Variants in ROBO1 observed in about 807,000 individuals in gnomAD.
ROBO1 encodes roundabout homolog 1.
Under a neutral mutation model 195.9 loss-of-function variants are expected in ROBO1, and 149 were observed. The ratio of observed to expected loss-of-function variants is 0.76; its 90% CI spans 0.67 to 0.87. The LOEUF is 0.87. Ranked by LOEUF, ROBO1 falls within the 40% of genes least tolerant of loss-of-function variation. The probability of loss-of-function intolerance (pLI) is 0.00; values close to 1 mark genes in which losing one functional copy is unlikely to be tolerated. For synonymous variants in ROBO1, 816 were observed against 733.2 expected (o/e 1.11, Z -1.82); for missense variants, 1,933 against 2,068.3 (o/e 0.93, Z 1.27).
chr3:78,757,381 TAG>T (rs768297419), intron 4 of ROBO1, among the ~76,000 whole-genome samples: 6 of 151,994 alleles, frequency 3.9e-5, no homozygotes, highest in Admixed American at 6.6e-5. Context: ...TGAAAAAGAC[TAG>T]AGTGTTTTCT....
chr3:78,961,578 G>GC lies in ROBO1; in HGVS notation c.173-22652dup, dbSNP rs554324450. Among the ~76,000 whole-genome samples the GC allele has an allele frequency of 2.2e-4, 34 of 152,164 alleles. No individual in the cohort carries two copies. The East Asian group carries it at 6.2e-3, about 28-fold the overall frequency. ...TAGTACCCACAACATTCTGAAGTGG[G>GC]CACTATTATTATCCATAACTTACAG... On this transcript the variant is annotated intron_variant, in intron 3 of 30. Coordinates refer to ENST00000464233, the MANE Select transcript of ROBO1 (RefSeq NM_002941.4).
intron 3 of ROBO1, among the ~76,000 whole-genome samples, chr3:79,059,638 A>G (rs1282752400): frequency 1.3e-5 from 2 of 152,020 alleles, no homozygotes; most frequent in Admixed American, 1.3e-4. Context: ...ATAATTTCTT[A>G]TGCCTGTCTT....
intron 2 of ROBO1, among the ~76,000 whole-genome samples, chr3:79,151,944 C>A (rs529771789): frequency 2.5e-4 from 38 of 151,874 alleles, no homozygotes; most frequent in African/African-American, 9.2e-4. Context: ...CAGCCTTGGT[C>A]CCTGAGTAAT....
intron 4 of ROBO1, among the ~76,000 whole-genome samples, chr3:78,778,211 T>G (rs1186947096): frequency 6.6e-6 from 1 of 152,190 alleles, no homozygotes; most frequent in African/African-American, 2.4e-5. Context: ...ATAAGCTTTT[T>G]GATGTGATGC....
intron 2 of ROBO1, among the ~76,000 whole-genome samples, chr3:79,320,617 C>A (rs940621697): frequency 6.6e-6 from 1 of 152,098 alleles, no homozygotes; most frequent in Admixed American, 6.6e-5. Context: ...ATCTTTAATA[C>A]CATCACATTG....
intron 4 of ROBO1, among the ~76,000 whole-genome samples, chr3:78,889,498 GAC>G (rs1313932614): frequency 1.3e-5 from 2 of 152,186 alleles, no homozygotes; most frequent in African/African-American, 4.8e-5. Context: ...CATTAGCATA[GAC>G]ACAGTCTTAC....
chr3:79,460,497 C>G (rs1027050816), intron 2 of ROBO1, among the ~76,000 whole-genome samples: 4 of 152,126 alleles, frequency 2.6e-5, no homozygotes, highest in Non-Finnish European at 5.9e-5. Context: ...GAGGAATAAA[C>G]CAGATGCCTT....
chr3:79,667,124 T>C (rs1190791481), intron 1 of ROBO1, among the ~76,000 whole-genome samples: 1 of 151,908 alleles, frequency 6.6e-6, no homozygotes, highest in Non-Finnish European at 1.5e-5. Flanking sequence ...TGACATACAT[T>C]ACCTGGCTTT....
In ROBO1 at chr3:78,913,327, T is replaced by C. The variant is rs925616494; in HGVS notation, c.499+25274A>G. Among the ~76,000 whole-genome samples, 3 of 152,114 alleles carry C rather than the reference T, an allele frequency of 2.0e-5. No homozygotes were observed. The South Asian group carries it at 6.2e-4, about 32-fold the overall frequency. On this transcript the variant is annotated intron_variant, in intron 4 of 30. Coordinates refer to ENST00000464233, the MANE Select transcript of ROBO1 (RefSeq NM_002941.4). ...GAAATCAAACCCAAAATTGTGGCCC[T>C]TTTATATTTACATTATGTATCGCAG...
chr3:79,677,080 T>C (rs192030477), intron 1 of ROBO1, among the ~76,000 whole-genome samples: 76 of 152,108 alleles, frequency 5.0e-4, no homozygotes, highest in Non-Finnish European at 8.2e-4. Context: ...TTCCCAACTC[T>C]TGGTGTTAAA....
chr3:79,142,365 A>G (rs147411374), intron 2 of ROBO1, among the ~76,000 whole-genome samples: 1 of 152,290 alleles, frequency 6.6e-6, no homozygotes, highest in African/African-American at 2.4e-5. Context: ...GCAGTCCTCT[A>G]TAAATGTTCC....
chr3:79,213,816 C>CTTTTTTTTTT (rs59942369), intron 2 of ROBO1, among the ~76,000 whole-genome samples: 1 of 74,590 alleles, frequency 1.3e-5, no homozygotes. Flanking sequence ...TCTCCCCTTT[C>CTTTTTTTTTT]TTTTTTTTTT....
At position 78,740,765 on chromosome 3, in the gene ROBO1, G is replaced by A. The variant is rs375935123; in HGVS notation, c.657+5978C>T. 4.8e-4 allele frequency among the ~76,000 whole-genome samples: 73 copies of A among 152,110 alleles called. 1 individual carries two copies. The South Asian group carries it at 0.015, about 30-fold the overall frequency. The stretch of plus-strand genomic sequence containing the variant: ...TGGGATTACATGCATGAGCCACCGC[G>A]CCTGGCAAAAGGAACTTTTTTCAAT... On this transcript the variant is annotated intron_variant, in intron 5 of 30. Coordinates refer to ENST00000464233, the MANE Select transcript of ROBO1 (RefSeq NM_002941.4).
At chr3:78,669,131 C>T (rs565490033) in intron 11 of ROBO1, among the ~76,000 whole-genome samples, 1 of 152,272 alleles carries the variant, frequency 6.6e-6, no homozygotes, top group African/African-American at 2.4e-5. Context: ...GGAACGAACA[C>T]TCTCGCTCCC....
At chr3:79,328,211 TTTTAC>T (rs1167806928) in intron 2 of ROBO1, among the ~76,000 whole-genome samples, 1 of 152,098 alleles carries the variant, frequency 6.6e-6, no homozygotes, top group Non-Finnish European at 1.5e-5. Context: ...CTAGCAAAGG[TTTTAC>T]TTTAAGTGCA....
intron 1 of ROBO1, among the ~76,000 whole-genome samples, chr3:79,703,455 A>G (rs1352545509): frequency 1.3e-5 from 2 of 151,778 alleles, no homozygotes; most frequent in East Asian, 3.9e-4. Flanking sequence ...GGGTATAAAA[A>G]TTTAGTAATT....
chr3:79,317,386 CT>C (rs142145351), intron 2 of ROBO1, among the ~76,000 whole-genome samples: 6,697 of 152,076 alleles, frequency 0.044, 273 homozygotes, highest in African/African-American at 0.11. Context: ...GTAGTAATCT[CT>C]TTGCTCACTA....
chr3:79,288,122 A>G (rs1454322851), intron 2 of ROBO1, among the ~76,000 whole-genome samples: 3 of 152,164 alleles, frequency 2.0e-5, no homozygotes, highest in Admixed American at 6.6e-5. Context: ...AAAACAGCCA[A>G]TCTTCCTCCG....
At chr3:79,582,501 A>C (rs1379951315) in intron 2 of ROBO1, among the ~76,000 whole-genome samples, 2 of 152,070 alleles carry the variant, frequency 1.3e-5, no homozygotes, top group African/African-American at 4.8e-5. Context: ...AAGATTGACT[A>C]TCTCATTGAC....
Sources: gnomAD v4.1 joint callset for allele counts (sites outside exome capture counted in the v4.1 genomes callset) on GRCh38, gnomAD v4.1.1 for gene constraint, MANE v1.5 for transcripts, NCBI Gene and HGNC (gene_info 2026-07-23, HGNC 2026-07-21) for gene names.